The following TOMM40L variants were observed in gnomAD, a reference collection of about 807,000 sequenced individuals.
TOMM40L encodes mitochondrial import receptor subunit TOM40B.
In TOMM40L, 17 loss-of-function variants were observed where a neutral mutation model predicts 38.3. That is an observed-to-expected ratio of 0.44 (90% CI 0.30 to 0.67). The LOEUF (loss-of-function observed/expected upper bound fraction) is 0.67, where lower values mean the gene tolerates loss of function less well. Ranked by LOEUF, TOMM40L falls within the 30% of genes least tolerant of loss-of-function variation. The pLI is 0.08. For missense variants in TOMM40L, 294 were observed against 390.0 expected (o/e 0.75, Z 2.07); for synonymous variants, 151 against 150.2 (o/e 1.01, Z -0.04).
rs762409034 is a variant in TOMM40L at position 161,226,536 on chromosome 1, G to A, written c.47G>A (p.Arg16Gln). The part of the protein sequence containing the change: ...GLAPMGTLPR[R>Q]SPRREEPLPN... ...GCACCAATGGGGACTTTGCCCCGCC[G>A]GAGCCCCCGCCGAGAGGAACCCCTG... The change falls in exon 2 of 10, where the codon CGG becomes CAG. Residue 16 changes from arginine to glutamine, a missense_variant. Coordinates refer to ENST00000367988, the MANE Select transcript of TOMM40L (RefSeq NM_032174.6). 3.1e-6 allele frequency: 5 copies of A among 1,613,966 alleles called. No individual in the cohort carries two copies. In the African/African-American group the frequency reaches 5.3e-5, roughly 17 times the overall value.
At position 161,227,988 on chromosome 1, in the gene TOMM40L, G is replaced by A. The variant is rs781742411; in HGVS notation, c.483G>A (p.Ser161=). 9 of 1,613,830 alleles carry A rather than the reference G, an allele frequency of 5.6e-6. No homozygotes were observed. Among genetic ancestry groups the A allele is most frequent in the South Asian group, 1.1e-5 (1 of 91,062 alleles). Residue 161 remains serine (S), a splice_region_variant and synonymous_variant, in exon 6 of 10, where the codon TCG becomes TCA. Coordinates refer to ENST00000367988, the MANE Select transcript of TOMM40L (RefSeq NM_032174.6). ...GAAATCCTGACCTGATTGGGGAGTC[G>A]GGTGAGGAACTGGGACAGGGTTCTT... ...TLGNPDLIGE[S]VIMVAHFLQS...
chr1:161,227,180 G>C (rs1166063748), intron 3 of TOMM40L, 78 bp from the exon 4 acceptor site: 9 of 1,435,088 alleles, frequency 6.3e-6, no homozygotes, highest in African/African-American at 1.4e-5. Context: ...CTCTGGATGG[G>C]GAAAAGACTA....
In TOMM40L at chr1:161,226,409, G is replaced by A; in HGVS notation, c.-81G>A. 1 of 1,241,700 alleles carries A rather than the reference G, an allele frequency of 8.1e-7. No individual in the cohort carries two copies. Among genetic ancestry groups the A allele is most frequent in the Non-Finnish European group, 1.1e-6 (1 of 888,662 alleles). The allele number at this position is 1,241,700 out of a possible 1,614,324, so 76.9% of individuals were successfully genotyped here. A position where few individuals can be genotyped will look rare whatever the true frequency, so the allele number is the denominator to read the frequency against. On this transcript the variant is annotated 5_prime_UTR_variant, in exon 2 of 10. Transcript: ENST00000367988. The stretch of plus-strand genomic sequence containing the variant: ...GAGGCTGGGGAGCCGGATAATGGGG[G>A]GTGGGGCCCGTTGGGGGGTAAAGGG...
In TOMM40L at chr1:161,230,107, G is replaced by T; in HGVS notation, c.*1012G>T. On this transcript the variant is annotated 3_prime_UTR_variant, in exon 10 of 10. Transcript: ENST00000367988. ...TTCCAAAGGTCCTCCAGGGGGCCTC[G>T]GTCTGACACTGTCTTCTCTCACCAT... The T allele has an allele frequency of 1.5e-6, 1 of 654,488 alleles. No individual in the cohort carries two copies. Among genetic ancestry groups the T allele is most frequent in the South Asian group, 2.0e-5 (1 of 50,326 alleles). 40.5% of individuals were successfully genotyped at this position (654,488 alleles called of 1,614,324 possible). A position where few individuals can be genotyped will look rare whatever the true frequency, so the allele number is the denominator to read the frequency against.
Position 161,228,182 on chromosome 1 carries a change from A to G in TOMM40L, c.485-4A>G. 1 of 1,581,372 alleles carries G rather than the reference A, an allele frequency of 6.3e-7. No individual in the cohort carries two copies. ...TGACTCCATGTCTCCCCATTCCCCC[A>G]CAGTGATCATGGTTGCTCACTTCCT... On this transcript the variant is annotated splice_region_variant and splice_polypyrimidine_tract_variant and intron_variant, in intron 6 of 9. Transcript: ENST00000367988.
intron 3 of TOMM40L, 32 bp from the exon 4 acceptor site, chr1:161,227,226 C>T: frequency 6.3e-7 from 1 of 1,596,544 alleles, no homozygotes; most frequent in Non-Finnish European, 8.6e-7. Context: ...AGCAGGAATG[C>T]GCTTTTCTCC....
chr1:161,226,960 T>G lies in TOMM40L; in HGVS notation c.183+5T>G, dbSNP rs771859556. On this transcript the variant is annotated splice_donor_5th_base_variant and intron_variant, in intron 3 of 9. Transcript: ENST00000367988. ...GTTCTGAGCAGCCATTTCCAGGTGC[T>G]CCCACTTCTCTGGCCCCTCCTTACT... The G allele has an allele frequency of 1.4e-5, 23 of 1,614,090 alleles. No individual in the cohort carries two copies. Among genetic ancestry groups the G allele is most frequent in the Non-Finnish European group, 1.9e-5 (22 of 1,180,000 alleles).
chr1:161,228,443 C>A lies in TOMM40L; in HGVS notation c.623C>A (p.Ala208Asp). The change falls in exon 8 of 10, where the codon GCT (alanine) becomes GAT (aspartate). Residue 208 changes from alanine to aspartate, a missense_variant. By Grantham distance (126) the Ala-to-Asp change is moderately radical (BLOSUM62 -2). Coordinates refer to ENST00000367988, the MANE Select transcript of TOMM40L (RefSeq NM_032174.6). ...GATTTTACAGCTGTACACTGGGTAGCTACATTGAATGTGGGATCAGGCGGG... is the reference window on the plus strand; with the variant it reads ...GATTTTACAGCTGTACACTGGGTAGATACATTGAATGTGGGATCAGGCGGG... The part of the protein sequence containing the change: ...AGKYSAVHWV[A>D]TLNVGSGGAH... The A allele has an allele frequency of 6.2e-7, 1 of 1,614,064 alleles. No individual in the cohort carries two copies. Among genetic ancestry groups the A allele is most frequent in the Non-Finnish European group, 8.5e-7 (1 of 1,180,000 alleles).
rs369556985 is a variant in TOMM40L, at chr1:161,227,327, G to A, written c.253G>A (p.Asp85Asn). ...GYHLHAAYAG[D>N]WQLSPTEVFP... ...TCACCTCCATGCGGCCTATGCAGGGGATTGGCAGCTCAGTCCCACTGAGGT... is the reference window on the plus strand; with the variant it reads ...TCACCTCCATGCGGCCTATGCAGGGAATTGGCAGCTCAGTCCCACTGAGGT... Residue 85 changes from aspartate to asparagine, a missense_variant, in exon 4 of 10, where the codon GAT (aspartate) becomes AAT (asparagine). Coordinates refer to ENST00000367988, the MANE Select transcript of TOMM40L (RefSeq NM_032174.6). The A allele has an allele frequency of 5.9e-5, 95 of 1,614,024 alleles. No individual in the cohort carries two copies. Among genetic ancestry groups the A allele is most frequent in the Non-Finnish European group, 7.4e-5 (87 of 1,180,030 alleles).
At chr1:161,227,088 C>G in intron 3 of TOMM40L, 133 bp downstream of exon 3, 2 of 1,233,750 alleles carry the variant, frequency 1.6e-6, no homozygotes, top group South Asian at 2.7e-5. Flanking sequence ...GTTCTCTTTA[C>G]CTCCGTGCCT....
At position 161,230,103 on chromosome 1, in the gene TOMM40L, C is replaced by A; in HGVS notation, c.*1008C>A. The A allele has an allele frequency of 1.4e-6, 1 of 693,478 alleles. No homozygotes were observed. The highest frequency in any genetic ancestry group is 2.4e-6 in the Non-Finnish European group (1 of 424,872). 43.0% of individuals were successfully genotyped at this position (693,478 alleles called of 1,614,324 possible). ...GAGGTTCCAAAGGTCCTCCAGGGGG[C>A]CTCGGTCTGACACTGTCTTCTCTCA... On this transcript the variant is annotated 3_prime_UTR_variant, in exon 10 of 10. Transcript: ENST00000367988.
rs770609582 is a variant in TOMM40L at position 161,227,939 on chromosome 1, A to G, written c.434A>G (p.Asp145Gly). The G allele has an allele frequency of 6.2e-7, 1 of 1,614,050 alleles. No homozygotes were observed. Residue 145 changes from aspartate (D) to glycine (G), a missense_variant, in exon 6 of 10, where the codon GAC becomes GGC. By Grantham distance (94) the Asp-to-Gly change is moderately conservative (BLOSUM62 -1). Coordinates refer to ENST00000367988, the MANE Select transcript of TOMM40L (RefSeq NM_032174.6). ...TTTGATGGCGAGTATCGGGGAGATG[A>G]CTACACAGCCACTCTGACCCTAGGA... is the stretch of plus-strand genomic sequence containing the variant. ...WQFDGEYRGDDYTATLTLGNP... is the reference protein window; with the variant it reads ...WQFDGEYRGDGYTATLTLGNP...
intron 7 of TOMM40L, 57 bp downstream of exon 7, chr1:161,228,365 G>A (rs1666528988): frequency 6.2e-7 from 1 of 1,611,850 alleles, no homozygotes; most frequent in East Asian, 2.2e-5. Context: ...ACTTTTCTGG[G>A]GTTCCTGGCC....
In TOMM40L at chr1:161,229,014, G is replaced by T. The variant is rs1571657227; in HGVS notation, c.846G>T (p.Leu282=). ...TGCTGGAGAAGAAGATGCCCCCTCT[G>T]CCTGTCACCCTAGCCCTTGGAGCCT... The part of the protein sequence containing the change: ...GAVLEKKMPP[L]PVTLALGAFL... The change falls in exon 10 of 10, where the codon CTG becomes CTT. Residue 282 remains leucine (L), a synonymous_variant. Transcript: ENST00000367988. 2 of 1,614,180 alleles carry T rather than the reference G, an allele frequency of 1.2e-6. No individual in the cohort carries two copies. The highest frequency in any genetic ancestry group is 1.7e-6 in the Non-Finnish European group (2 of 1,180,030).
chr1:161,228,973 T>C lies in TOMM40L; in HGVS notation c.805T>C (p.Trp269Arg), dbSNP rs1263193499. Residue 269 changes from tryptophan (W) to arginine (R), a missense_variant, in exon 10 of 10, where the codon TGG becomes CGG. Trp to Arg is a moderately radical substitution (Grantham distance 101, BLOSUM62 -3). Transcript: ENST00000367988. ...MVFRGLVDSN[W>R]CVGAVLEKKM... ...CCCAACAGGCTTGGTGGATAGTAAC[T>C]GGTGTGTAGGTGCTGTGCTGGAGAA... is the stretch of plus-strand genomic sequence containing the variant. The C allele has an allele frequency of 6.2e-7, 1 of 1,614,052 alleles. No homozygotes were observed. Among genetic ancestry groups the C allele is most frequent in the Non-Finnish European group, 8.5e-7 (1 of 1,180,030 alleles).
In TOMM40L at chr1:161,227,303, C is replaced by T; in HGVS notation, c.229C>T (p.His77Tyr). ...GAGTGCCCTGGGCTTGCCGGGATATCACCTCCATGCGGCCTATGCAGGGGA... is the reference window on the plus strand; with the variant it reads ...GAGTGCCCTGGGCTTGCCGGGATATTACCTCCATGCGGCCTATGCAGGGGA... ...HMSALGLPGY[H>Y]LHAAYAGDWQ... The change falls in exon 4 of 10, where the codon CAC (histidine) becomes TAC (tyrosine). Residue 77 changes from histidine (H) to tyrosine (Y), a missense_variant. By Grantham distance (83) the His-to-Tyr change is moderately conservative. Transcript: ENST00000367988. 6.2e-7 allele frequency: 1 copy of T among 1,614,202 alleles called. No individual in the cohort carries two copies. The highest frequency in any genetic ancestry group is 8.5e-7 in the Non-Finnish European group (1 of 1,180,044).
rs748496011 is a variant in TOMM40L at position 161,226,963 on chromosome 1, C to T, written c.183+8C>T. ...CTGAGCAGCCATTTCCAGGTGCTCC[C>T]ACTTCTCTGGCCCCTCCTTACTATT... On this transcript the variant is annotated splice_region_variant and intron_variant, in intron 3 of 9. Coordinates refer to ENST00000367988, the MANE Select transcript of TOMM40L (RefSeq NM_032174.6). 8 of 1,613,886 alleles carry T rather than the reference C, an allele frequency of 5.0e-6. No homozygotes were observed. Among genetic ancestry groups the T allele is most frequent in the Admixed American group, 3.3e-5 (2 of 59,986 alleles).
Position 161,226,364 on chromosome 1 carries a change from C to T in TOMM40L, c.-126C>T. The stretch of plus-strand genomic sequence containing the variant: ...ACTCTTCCTGTTCCAGGTGTAGCGT[C>T]GGACCATGTGGAAGTTTCTGAGGCT... On this transcript the variant is annotated 5_prime_UTR_variant, in exon 2 of 10. Coordinates refer to ENST00000367988, the MANE Select transcript of TOMM40L (RefSeq NM_032174.6). 1 of 762,366 alleles carries T rather than the reference C, an allele frequency of 1.3e-6. No homozygotes were observed. Among genetic ancestry groups the T allele is most frequent in the Non-Finnish European group, 2.1e-6 (1 of 474,492 alleles). The allele number at this position is 762,366 out of a possible 1,614,324, so 47.2% of individuals were successfully genotyped here. A position where few individuals can be genotyped will look rare whatever the true frequency, so the allele number is the denominator to read the frequency against.
chr1:161,227,977 A>G lies in TOMM40L; in HGVS notation c.472A>G (p.Ile158Val), dbSNP rs766644435. 1.2e-6 allele frequency: 2 copies of G among 1,614,006 alleles called. No homozygotes were observed. The highest frequency in any genetic ancestry group is 2.2e-5 in the East Asian group (1 of 44,886). The stretch of plus-strand genomic sequence containing the variant: ...TCTGACCCTAGGAAATCCTGACCTG[A>G]TTGGGGAGTCGGGTGAGGAACTGGG... ...ATLTLGNPDLIGESVIMVAHF... is the reference protein window; with the variant it reads ...ATLTLGNPDLVGESVIMVAHF... Residue 158 changes from isoleucine (I) to valine (V), a missense_variant, in exon 6 of 10, where the codon ATT becomes GTT. Coordinates refer to ENST00000367988, the MANE Select transcript of TOMM40L (RefSeq NM_032174.6).
Sources: allele counts gnomAD v4.1 joint callset, GRCh38; gene constraint gnomAD v4.1.1; transcripts MANE v1.5; gene names NCBI Gene and HGNC (gene_info 2026-07-23, HGNC 2026-07-21).